The following WDR17 variants were observed in gnomAD, a reference collection of about 807,000 sequenced individuals.
The protein encoded by WDR17 is WD repeat-containing protein 17.
A neutral mutation model predicts 161.7 loss-of-function variants in WDR17; 143 were observed. That is an observed-to-expected ratio of 0.88 (90% CI 0.77 to 1.02). WDR17 has a LOEUF of 1.02. Among genes scored for constraint, WDR17 ranks in the 50% least tolerant of loss-of-function variants. WDR17 has a pLI of 0.00. For synonymous variants in WDR17, 517 were observed against 515.6 expected (o/e 1.00, Z -0.04); for missense variants, 1,469 against 1,520.9 (o/e 0.97, Z 0.57).
At chr4:176,115,565 T>C (rs1046794149) in intron 2 of WDR17, among the ~76,000 whole-genome samples, 3 of 152,004 alleles carry the variant, frequency 2.0e-5, no homozygotes, top group Non-Finnish European at 4.4e-5. Flanking sequence ...TTTTACTTGT[T>C]TTTAAAATGG....
chr4:176,096,242 G>A (rs896778511), intron 1 of WDR17, among the ~76,000 whole-genome samples: 2 of 151,982 alleles, frequency 1.3e-5, no homozygotes, highest in African/African-American at 4.8e-5. Flanking sequence ...TGTTTTTTAA[G>A]AATGTAAACA....
At chr4:176,131,894 A>G (rs1489071749) in intron 7 of WDR17, among the ~76,000 whole-genome samples, 156 bp downstream of exon 7, 1 of 152,188 alleles carries the variant, frequency 6.6e-6, no homozygotes, top group African/African-American at 2.4e-5. Context: ...TAGAAAATGC[A>G]TAGAATGATG....
At chr4:176,179,378 C>T in intron 28 of WDR17, 82 bp from the exon 29 acceptor site, 1 of 1,280,370 alleles carries the variant, frequency 7.8e-7, no homozygotes. Flanking sequence ...TTTTTTATTG[C>T]AGTGATTCTC....
chr4:176,160,081 T>A lies in WDR17; in HGVS notation c.2613T>A (p.Phe871Leu), dbSNP rs774171600. 7 of 1,613,960 alleles carry A rather than the reference T, an allele frequency of 4.3e-6. No homozygotes were observed. The highest frequency in any genetic ancestry group is 5.9e-6 in the Non-Finnish European group (7 of 1,179,880). ...AIGDVKKLVHFFMSRGQLKEA... is the reference protein window; with the variant it reads ...AIGDVKKLVHLFMSRGQLKEA... ...GTGATGTGAAAAAGCTAGTCCATTTTTTCATGTCAAGAGGTCAGCTTAAAG... is the reference window on the plus strand; with the variant it reads ...GTGATGTGAAAAAGCTAGTCCATTTATTCATGTCAAGAGGTCAGCTTAAAG... The change falls in exon 19 of 29, where the codon TTT (phenylalanine) becomes TTA (leucine). Residue 871 changes from phenylalanine (F) to leucine (L), a missense_variant. Coordinates refer to ENST00000508596, the MANE Select transcript of WDR17 (RefSeq NM_181265.4).
In WDR17 at chr4:176,125,289, A is replaced by G; in HGVS notation, c.724A>G (p.Ser242Gly). 3 of 1,614,154 alleles carry G rather than the reference A, an allele frequency of 1.9e-6. No individual in the cohort carries two copies. The highest frequency in any genetic ancestry group is 2.5e-6 in the Non-Finnish European group (3 of 1,180,016). ...LSCITTFNLP[S>G]AAASVQCLAW... is the part of the protein sequence containing the mutation. ...TTGCATAACAACATTTAATCTTCCC[A>G]GTGCAGCAGCTTCTGTACAGTGCTT... Residue 242 changes from serine (S) to glycine (G), a missense_variant, in exon 5 of 29, where the codon AGT becomes GGT. By Grantham distance (56) the Ser-to-Gly change is moderately conservative. Transcript: ENST00000508596.
chr4:176,070,192 A>G (rs1279481132), intron 1 of WDR17, among the ~76,000 whole-genome samples: 1 of 152,206 alleles, frequency 6.6e-6, no homozygotes, highest in Non-Finnish European at 1.5e-5. Context: ...CTGAAAATAT[A>G]ATAGTGGATA....
At chr4:176,096,283 T>C (rs1736842351) in intron 1 of WDR17, among the ~76,000 whole-genome samples, 1 of 152,118 alleles carries the variant, frequency 6.6e-6, no homozygotes, top group South Asian at 2.1e-4. Context: ...GATAATAGCA[T>C]TCTCTGGTAC....
chr4:176,090,219 T>A (rs1579017769), intron 1 of WDR17, among the ~76,000 whole-genome samples: 1 of 151,156 alleles, frequency 6.6e-6, no homozygotes, highest in African/African-American at 2.4e-5. Context: ...AATGAGCAAA[T>A]TCTTGCTCTA....
chr4:176,135,824 C>A (rs1300659451), intron 8 of WDR17, among the ~76,000 whole-genome samples: 1 of 151,422 alleles, frequency 6.6e-6, no homozygotes, highest in Non-Finnish European at 1.5e-5. Flanking sequence ...ACATTATTTC[C>A]CCATAACAAA....
rs560039323 is a variant in WDR17 at position 176,142,417 on chromosome 4, G to A, written c.1529+348G>A. 2.0e-5 allele frequency among the ~76,000 whole-genome samples: 3 copies of A among 152,230 alleles called. No individual in the cohort carries two copies. In the South Asian group the frequency reaches 6.2e-4, roughly 32 times the overall value. On this transcript the variant is annotated intron_variant, in intron 11 of 28. Transcript: ENST00000508596. Reference sequence around the variant, plus strand: ...TTTTTTTAATCTCACTTAGGAATCTGTGCAATGCCAGTGTTCCACTGTGAC... The same window carrying A: ...TTTTTTTAATCTCACTTAGGAATCTATGCAATGCCAGTGTTCCACTGTGAC...
At chr4:176,106,906 A>T (rs531820111) in intron 1 of WDR17, among the ~76,000 whole-genome samples, 8 of 152,306 alleles carry the variant, frequency 5.3e-5, no homozygotes, top group Admixed American at 3.3e-4. Context: ...AACTATGATC[A>T]TGCCACTACA....
At position 176,120,163 on chromosome 4, in the gene WDR17, T is replaced by G. The variant is rs925295922; in HGVS notation, c.538+66T>G. On this transcript the variant is annotated intron_variant, in intron 4 of 28. Transcript: ENST00000508596. ...TTCTTATATATAATTTTGTACTTGCTTGGTCTTTCTAGTGACCAGTCCCCA... is the reference window on the plus strand; with the variant it reads ...TTCTTATATATAATTTTGTACTTGCGTGGTCTTTCTAGTGACCAGTCCCCA... The G allele has an allele frequency of 2.3e-6, 3 of 1,301,764 alleles. No individual in the cohort carries two copies. In the East Asian group the frequency reaches 7.7e-5, roughly 33 times the overall value. The allele number at this position is 1,301,764 out of a possible 1,614,324, so 80.6% of individuals were successfully genotyped here.
At chr4:176,100,206 G>A (rs971297194) in intron 1 of WDR17, among the ~76,000 whole-genome samples, 3 of 152,056 alleles carry the variant, frequency 2.0e-5, no homozygotes, top group Non-Finnish European at 4.4e-5. Flanking sequence ...CACCAACAGT[G>A]TATGAATTCT....
intron 2 of WDR17, among the ~76,000 whole-genome samples, chr4:176,112,352 C>T (rs1739907466): frequency 6.6e-6 from 1 of 152,146 alleles, no homozygotes; most frequent in African/African-American, 2.4e-5. Flanking sequence ...TTTAGTTTGG[C>T]TCCTACTAAT....
Position 176,160,840 on chromosome 4 carries a change from A to T in WDR17, c.2659-71A>T, listed in dbSNP as rs187473051. 1,272 of 1,294,560 alleles carry T rather than the reference A, an allele frequency of 9.8e-4. 1 individual carries two copies. Among genetic ancestry groups the T allele is most frequent in the Non-Finnish European group, 1.2e-3 (1,153 of 946,326 alleles). 80.2% of individuals were successfully genotyped at this position (1,294,560 alleles called of 1,614,324 possible). A position where few individuals can be genotyped will look rare whatever the true frequency, so the allele number is the denominator to read the frequency against. On this transcript the variant is annotated intron_variant, in intron 19 of 28. Transcript: ENST00000508596. Reference sequence around the variant, plus strand: ...CATTATTTAAGTATACTTTGCTCAAAATCATATTCTGAAATGTGTCAATTA... The same window carrying T: ...CATTATTTAAGTATACTTTGCTCAATATCATATTCTGAAATGTGTCAATTA...
chr4:176,116,749 T>C (rs1740709403), intron 3 of WDR17, among the ~76,000 whole-genome samples: 1 of 151,890 alleles, frequency 6.6e-6, no homozygotes, highest in Admixed American at 6.6e-5. Flanking sequence ...TGTAATAGTC[T>C]AAGGCAAAAA....
chr4:176,165,221 T>C (rs938449122), intron 22 of WDR17, among the ~76,000 whole-genome samples: 1 of 151,052 alleles, frequency 6.6e-6, no homozygotes, highest in Non-Finnish European at 1.5e-5. Context: ...ATAAAAAAAT[T>C]AGCCAGGCAT....
At chr4:176,105,209 A>T (rs1561104983) in intron 1 of WDR17, among the ~76,000 whole-genome samples, 5 of 152,062 alleles carry the variant, frequency 3.3e-5, no homozygotes, top group African/African-American at 1.2e-4. Context: ...CACCTAAAAA[A>T]CACCATCAAA....
rs1752163162 is a variant in WDR17 at position 176,181,563 on chromosome 4, A to G, written c.*1984A>G. 3 of 201,152 alleles carry G rather than the reference A, an allele frequency of 1.5e-5. No individual in the cohort carries two copies. Among genetic ancestry groups the G allele is most frequent in the African/African-American group, 7.1e-5 (3 of 42,022 alleles). The allele number at this position is 201,152 out of a possible 1,614,324, so 12.5% of individuals were successfully genotyped here. On this transcript the variant is annotated 3_prime_UTR_variant, in exon 29 of 29. Coordinates refer to ENST00000508596, the MANE Select transcript of WDR17 (RefSeq NM_181265.4). ...AATATAAAAAGAGTACCTGAGATGTATTTTTTTAAACTCTTAGAGATATCT... is the reference window on the plus strand; with the variant it reads ...AATATAAAAAGAGTACCTGAGATGTGTTTTTTTAAACTCTTAGAGATATCT...
Sources: gnomAD v4.1 joint callset for allele counts (sites outside exome capture counted in the v4.1 genomes callset) on GRCh38, gnomAD v4.1.1 for gene constraint, MANE v1.5 for transcripts, NCBI Gene and HGNC (gene_info 2026-07-23, HGNC 2026-07-21) for gene names.